Variants in MATN2 observed in about 807,000 individuals in gnomAD.
MATN2 encodes matrilin-2.
A neutral mutation model predicts 103.2 loss-of-function variants in MATN2; 69 were observed. The ratio of observed to expected loss-of-function variants is 0.67; its 90% CI spans 0.55 to 0.82. The LOEUF is 0.82. Ranked by LOEUF, MATN2 falls within the 40% of genes least tolerant of loss-of-function variation. The pLI, the probability that MATN2 is intolerant of heterozygous loss-of-function variation, is 0.00. For synonymous variants in MATN2, 429 were observed against 450.2 expected, an observed-to-expected ratio of 0.95 and a Z score of 0.60; for missense variants, 1,023 against 1,211.5, an observed-to-expected ratio of 0.84 and a Z score of 2.31.
chr8:97,891,281 C>T (rs1177524552), intron 2 of MATN2, among the ~76,000 whole-genome samples: 2 of 152,306 alleles, frequency 1.3e-5, no homozygotes, highest in East Asian at 3.8e-4. Flanking sequence ...GGCAGTGGTT[C>T]TCAAGCTTTG....
chr8:97,941,161 C>CAAAAAAAAAAAAAAA (rs1186024165), intron 3 of MATN2, among the ~76,000 whole-genome samples: 20 of 77,976 alleles, frequency 2.6e-4, no homozygotes, highest in East Asian at 6.6e-4. Context: ...GACCTTGTCT[C>CAAAAAAAAAAAAAAA]AAAAAAAAAA....
intron 5 of MATN2, among the ~76,000 whole-genome samples, chr8:97,978,514 T>A (rs1811911703): frequency 6.6e-6 from 1 of 152,220 alleles, no homozygotes; most frequent in Non-Finnish European, 1.5e-5. Flanking sequence ...CTTTCTCAAT[T>A]TATAATGCCC....
intron 10 of MATN2, among the ~76,000 whole-genome samples, chr8:98,011,091 A>C (rs978773768): frequency 3.3e-5 from 5 of 152,190 alleles, no homozygotes; most frequent in Non-Finnish European, 5.9e-5. Context: ...CTTGGTTTGC[A>C]GACAGCCAGC....
At chr8:98,004,764 C>T (rs1193847710) in intron 8 of MATN2, among the ~76,000 whole-genome samples, 1 of 152,208 alleles carries the variant, frequency 6.6e-6, no homozygotes, top group African/African-American at 2.4e-5. Flanking sequence ...TCTGAGAAGG[C>T]TTGTCTTAAT....
intron 2 of MATN2, among the ~76,000 whole-genome samples, chr8:97,912,483 A>G (rs1809482110): frequency 6.6e-6 from 1 of 152,222 alleles, no homozygotes; most frequent in African/African-American, 2.4e-5. Context: ...TTTGTGTAAT[A>G]TACTGTCCCA....
At chr8:97,949,171 ATTT>A (rs71271175) in intron 4 of MATN2, among the ~76,000 whole-genome samples, 4 of 140,486 alleles carry the variant, frequency 2.8e-5, no homozygotes, top group Admixed American at 1.4e-4. Flanking sequence ...ACTAGAATGG[ATTT>A]TTTTTTTTTT....
chr8:97,907,833 G>A (rs959238122), intron 2 of MATN2, among the ~76,000 whole-genome samples: 3 of 152,132 alleles, frequency 2.0e-5, no homozygotes, highest in Non-Finnish European at 4.4e-5. Flanking sequence ...CATTAGCGCT[G>A]TTATTGTTGA....
intron 10 of MATN2, among the ~76,000 whole-genome samples, chr8:98,009,626 C>G (rs1471857951): frequency 6.6e-6 from 1 of 152,144 alleles, no homozygotes; most frequent in South Asian, 2.1e-4. Context: ...GCCTCTGGAG[C>G]GATGTCCCCT....
intron 13 of MATN2, 129 bp downstream of exon 13, chr8:98,021,456 G>C: frequency 9.7e-7 from 1 of 1,030,206 alleles, no homozygotes; most frequent in Non-Finnish European, 1.4e-6. Context: ...CACAAATACA[G>C]AATGGGGAAG....
chr8:97,888,310 G>T (rs373356276), intron 2 of MATN2, 68 bp downstream of exon 2: 6 of 1,384,192 alleles, frequency 4.3e-6, no homozygotes. Context: ...CAGGGACAGG[G>T]ATTGGTGACT....
At chr8:98,003,103 C>T (rs993021083) in intron 7 of MATN2, among the ~76,000 whole-genome samples, 12 of 152,034 alleles carry the variant, frequency 7.9e-5, no homozygotes, top group African/African-American at 2.4e-4. Flanking sequence ...CATCCCTGGG[C>T]GTTTGTGTTC....
At chr8:98,010,093 CT>C (rs752406159) in intron 10 of MATN2, among the ~76,000 whole-genome samples, 2 of 152,200 alleles carry the variant, frequency 1.3e-5, no homozygotes, top group African/African-American at 2.4e-5. Flanking sequence ...GCAGAACCCC[CT>C]CTTCCACTTC....
chr8:97,938,611 G>A (rs1467667211), intron 3 of MATN2, among the ~76,000 whole-genome samples: 2 of 152,130 alleles, frequency 1.3e-5, no homozygotes, highest in African/African-American at 4.8e-5. Flanking sequence ...TATGACCAAT[G>A]GATAAAACAA....
chr8:97,977,993 T>C (rs1171226742), intron 5 of MATN2, among the ~76,000 whole-genome samples: 3 of 152,162 alleles, frequency 2.0e-5, no homozygotes, highest in African/African-American at 4.8e-5. Flanking sequence ...CTATTCATTG[T>C]TTTGCTTTTC....
intron 5 of MATN2, among the ~76,000 whole-genome samples, chr8:97,963,224 C>G (rs1276951019): frequency 6.6e-6 from 1 of 152,180 alleles, no homozygotes; most frequent in Non-Finnish European, 1.5e-5. Context: ...CTGCTTTTTC[C>G]CCTCTACTAT....
intron 5 of MATN2, among the ~76,000 whole-genome samples, chr8:97,971,965 G>A (rs191525165): frequency 2.0e-4 from 31 of 151,970 alleles, no homozygotes; most frequent in African/African-American, 7.2e-4. Flanking sequence ...GGAGGCCAAG[G>A]CGGGCAGATC....
At chr8:97,981,523 A>T (rs542078266) in intron 6 of MATN2, among the ~76,000 whole-genome samples, 1 of 152,232 alleles carries the variant, frequency 6.6e-6, no homozygotes, top group Non-Finnish European at 1.5e-5. Context: ...GACCTTAGCC[A>T]TAGCCACACT....
At chr8:97,997,816 GGT>G (rs1491440050) in intron 7 of MATN2, among the ~76,000 whole-genome samples, 8 of 115,878 alleles carry the variant, frequency 6.9e-5, no homozygotes, top group Non-Finnish European at 1.2e-4. Context: ...ATTTGGAGAA[GGT>G]TTTTTTTTTT....
At chr8:97,981,118 G>A (rs1272925537) in intron 6 of MATN2, among the ~76,000 whole-genome samples, 7 of 151,592 alleles carry the variant, frequency 4.6e-5, no homozygotes, top group Non-Finnish European at 1.0e-4. Context: ...CTGGGAGGTT[G>A]GGGCTGTAGT....
Sources: allele counts gnomAD v4.1 joint callset (sites outside exome capture counted in the v4.1 genomes callset), GRCh38; gene constraint gnomAD v4.1.1; transcripts MANE v1.5; gene names NCBI Gene and HGNC (gene_info 2026-07-23, HGNC 2026-07-21).